SLC6A7: variants seen among roughly 807,000 people sequenced by gnomAD.
SLC6A7 encodes the protein sodium-dependent proline transporter.
A neutral mutation model predicts 73.1 loss-of-function variants in SLC6A7; 58 were observed. The ratio of observed to expected loss-of-function variants is 0.79; its 90% CI spans 0.64 to 0.99. SLC6A7 has a LOEUF of 0.99. SLC6A7 is among the 50% of genes least tolerant of loss of function. The pLI is 0.00. For missense variants in SLC6A7, 783 were observed against 831.4 expected, an observed-to-expected ratio of 0.94 and a Z score of 0.72; for synonymous variants, 338 against 338.7, an observed-to-expected ratio of 1.00 and a Z score of 0.02.
intron 13 of SLC6A7, 129 bp from the exon 14 acceptor site, chr5:150,209,277 C>A: frequency 1.3e-6 from 1 of 766,480 alleles, no homozygotes; most frequent in East Asian, 2.6e-5. Context: ...CCCCACTTCC[C>A]CGCCAGGGGG....
Position 150,205,515 on chromosome 5 carries a change from C to G in SLC6A7, c.1593C>G (p.Phe531Leu). 2 of 1,613,662 alleles carry G rather than the reference C, an allele frequency of 1.2e-6. No individual in the cohort carries two copies. The highest frequency in any genetic ancestry group is 1.7e-6 in the Non-Finnish European group (2 of 1,179,748). Residue 531 changes from phenylalanine (F) to leucine (L), a missense_variant, in exon 13 of 14, where the codon TTC becomes TTG. By Grantham distance (22) the Phe-to-Leu change is conservative. Transcript: ENST00000230671. ...YQPSEYGSYRFPPWAELLGIL... is the reference protein window; with the variant it reads ...YQPSEYGSYRLPPWAELLGIL... Reference sequence around the variant, plus strand: ...CCTCGGAGTATGGCAGTTACCGCTTCCCGCCCTGGGCTGAGCTGCTGGGCA... The same window carrying G: ...CCTCGGAGTATGGCAGTTACCGCTTGCCGCCCTGGGCTGAGCTGCTGGGCA...
In SLC6A7 at chr5:150,202,709, C is replaced by T; in HGVS notation, c.1087+6C>T. On this transcript the variant is annotated splice_donor_region_variant and intron_variant, in intron 8 of 13. Coordinates refer to ENST00000230671, the MANE Select transcript of SLC6A7 (RefSeq NM_014228.5). ...GGACCAAGTAGCCAAAGCAGGTGGG[C>T]AGGCTGCCAGGCCTCAGTGGGGTGA... The T allele has an allele frequency of 6.2e-7, 1 of 1,613,684 alleles. No homozygotes were observed. The highest frequency in any genetic ancestry group is 1.1e-5 in the South Asian group (1 of 91,032).
intron 5 of SLC6A7, among the ~76,000 whole-genome samples, chr5:150,200,668 G>A (rs948266130): frequency 1.3e-5 from 2 of 152,114 alleles, no homozygotes; most frequent in Admixed American, 6.5e-5. Flanking sequence ...GAGAGAAGAG[G>A]TTATGGTCAA....
At chr5:150,199,173 G>C in intron 4 of SLC6A7, 55 bp from the exon 5 acceptor site, 2 of 1,518,910 alleles carry the variant, frequency 1.3e-6, no homozygotes, top group Admixed American at 4.0e-5. Flanking sequence ...TTGACTCCAT[G>C]TCTGTGGAGC....
chr5:150,194,964 TG>T (rs771275665), intron 2 of SLC6A7, 53 bp downstream of exon 2: 2 of 1,511,542 alleles, frequency 1.3e-6, no homozygotes, highest in Non-Finnish European at 9.1e-7. Context: ...GCCAAGGCCC[TG>T]GGGTACAGTG....
intron 8 of SLC6A7, among the ~76,000 whole-genome samples, chr5:150,203,451 G>C (rs1753495107): frequency 6.6e-6 from 1 of 152,186 alleles, no homozygotes; most frequent in Non-Finnish European, 1.5e-5. Flanking sequence ...TTGGGGTCTT[G>C]TGTTTGTTTA....
intron 13 of SLC6A7, among the ~76,000 whole-genome samples, chr5:150,207,915 C>T (rs1376075301): frequency 6.6e-6 from 1 of 150,802 alleles, no homozygotes; most frequent in Non-Finnish European, 1.5e-5. Flanking sequence ...TGTCTGGAGA[C>T]ATTGTTGGTT....
At chr5:150,207,276 G>T (rs1417274507) in intron 13 of SLC6A7, among the ~76,000 whole-genome samples, 1 of 152,090 alleles carries the variant, frequency 6.6e-6, no homozygotes. Context: ...TGTGTTTTGA[G>T]ACAGAGTTTC....
rs937458373 is a variant in SLC6A7 at position 150,203,979 on chromosome 5, G to T, written c.1273G>T (p.Val425Leu). The T allele has an allele frequency of 1.2e-6, 2 of 1,613,890 alleles. No individual in the cohort carries two copies. The highest frequency in any genetic ancestry group is 1.3e-5 in the African/African-American group (1 of 74,988). Residue 425 changes from valine (V) to leucine (L), a missense_variant, in exon 10 of 14, where the codon GTG becomes TTG. Coordinates refer to ENST00000230671, the MANE Select transcript of SLC6A7 (RefSeq NM_014228.5). ...FPYYLRPKKAVFSGLICVAMY... is the reference protein window; with the variant it reads ...FPYYLRPKKALFSGLICVAMY... The stretch of plus-strand genomic sequence containing the variant: ...ATACTACCTGCGGCCCAAGAAGGCG[G>T]TGTTCTCAGGGCTCATCTGCGTGGC...
chr5:150,190,149 G>C lies in SLC6A7; in HGVS notation c.-179G>C. 2.0e-6 allele frequency: 1 copy of C among 502,602 alleles called. No homozygotes were observed. The highest frequency in any genetic ancestry group is 3.4e-6 in the Non-Finnish European group (1 of 293,218). 31.1% of individuals were successfully genotyped at this position (502,602 alleles called of 1,614,324 possible). A position where few individuals can be genotyped will look rare whatever the true frequency, so the allele number is the denominator to read the frequency against. The stretch of plus-strand genomic sequence containing the variant: ...CTGCGCAGGGACAGACAAGGCATTC[G>C]CAGCGCCCTGCCCGCGCTCCACGCC... On this transcript the variant is annotated 5_prime_UTR_variant, in exon 1 of 14. Transcript: ENST00000230671.
chr5:150,203,101 G>T (rs146797851), intron 8 of SLC6A7, among the ~76,000 whole-genome samples: 1 of 151,918 alleles, frequency 6.6e-6, no homozygotes, highest in Non-Finnish European at 1.5e-5. Flanking sequence ...ATTGTGGATG[G>T]GTATGTCATG....
Position 150,204,516 on chromosome 5 carries a change from T to G in SLC6A7, c.1333-16T>G, listed in dbSNP as rs1753573503. On this transcript the variant is annotated splice_polypyrimidine_tract_variant and intron_variant, in intron 10 of 13. Coordinates refer to ENST00000230671, the MANE Select transcript of SLC6A7 (RefSeq NM_014228.5). ...AGGCCCAGGAAGGGGACACCAGAAC[T>G]GTGCTTGTGTTTTAGGGGGGCATGT... The G allele has an allele frequency of 1.3e-6, 2 of 1,595,342 alleles. No homozygotes were observed. Among genetic ancestry groups the G allele is most frequent in the Non-Finnish European group, 8.6e-7 (1 of 1,162,992 alleles).
intron 6 of SLC6A7, among the ~76,000 whole-genome samples, 181 bp downstream of exon 6, chr5:150,201,404 A>G (rs1052685150): frequency 6.6e-6 from 1 of 152,146 alleles, no homozygotes; most frequent in Non-Finnish European, 1.5e-5. Context: ...TTATGTATTT[A>G]TCATGTACAA....
chr5:150,202,849 C>A, intron 8 of SLC6A7, 146 bp downstream of exon 8: 2 of 858,396 alleles, frequency 2.3e-6, no homozygotes, highest in South Asian at 1.8e-5. Flanking sequence ...CCAAGGTGGG[C>A]GGATCGCTTG....
In SLC6A7 at chr5:150,207,235, C is replaced by A. The variant is rs115853633; in HGVS notation, c.1701+1612C>A. On this transcript the variant is annotated intron_variant, in intron 13 of 13. Transcript: ENST00000230671. ...CAGTGGAGACAGTAAGCATAGTATC[C>A]AATAGGCAGGTTTTTTTGTCTTTTT... 3.4e-3 allele frequency among the ~76,000 whole-genome samples: 515 copies of A among 152,166 alleles called. 2 individuals are homozygous for A. The highest frequency in any genetic ancestry group is 0.011 in the African/African-American group (470 of 41,490).
At chr5:150,196,453 C>T (rs1219940742) in intron 2 of SLC6A7, among the ~76,000 whole-genome samples, 2 of 152,216 alleles carry the variant, frequency 1.3e-5, no homozygotes, top group Non-Finnish European at 2.9e-5. Flanking sequence ...CATTCTCTCC[C>T]TCATTCATTC....
chr5:150,208,618 C>A (rs1753812177), intron 13 of SLC6A7, among the ~76,000 whole-genome samples: 1 of 152,320 alleles, frequency 6.6e-6, no homozygotes, highest in Admixed American at 6.5e-5. Flanking sequence ...GTGGGAGACC[C>A]CGGCTAAAGG....
chr5:150,195,678 C>T (rs948985441), intron 2 of SLC6A7, among the ~76,000 whole-genome samples: 4 of 152,184 alleles, frequency 2.6e-5, no homozygotes, highest in African/African-American at 7.2e-5. Context: ...CACCAGTACT[C>T]GTATCTCCTT....
rs2113994304 is a variant in SLC6A7, at chr5:150,210,042, CCA to C, written c.*433_*434del. ...CTCCCTTTTTGGGGGGAGCCTGTCC[CCA>C]CACACCTTAGCACAACCAGAATCTT... On this transcript the variant is annotated 3_prime_UTR_variant, in exon 14 of 14. Transcript: ENST00000230671. 1 of 219,402 alleles carries C rather than the reference CCA, an allele frequency of 4.6e-6. No homozygotes were observed. The highest frequency in any genetic ancestry group is 2.2e-5 in the African/African-American group (1 of 44,792). The allele number at this position is 219,402 out of a possible 1,614,324, so 13.6% of individuals were successfully genotyped here.
Sources: allele counts gnomAD v4.1 joint callset (sites outside exome capture counted in the v4.1 genomes callset), GRCh38; gene constraint gnomAD v4.1.1; transcripts MANE v1.5; gene names NCBI Gene and HGNC (gene_info 2026-07-23, HGNC 2026-07-21).